RAI14: variants seen among roughly 807,000 people sequenced by gnomAD.
RAI14 encodes the protein ankycorbin.
RAI14 carries 45 observed loss-of-function variants against 115.4 expected under a neutral mutation model. The observed-to-expected ratio is 0.39, with a 90% CI of 0.31 to 0.50. The LOEUF (loss-of-function observed/expected upper bound fraction) is 0.50, where lower values mean the gene tolerates loss of function less well. RAI14 is among the 20% of genes least tolerant of loss of function. RAI14 has a pLI of 0.85. For synonymous variants in RAI14, 371 were observed against 415.4 expected (o/e 0.89, Z 1.30); for missense variants, 939 against 1,131.2 (o/e 0.83, Z 2.44).
chr5:34,829,120 CACACACATATATACATATAT>C (rs1291643717), intron 16 of RAI14, among the ~76,000 whole-genome samples: 1 of 131,464 alleles, frequency 7.6e-6, no homozygotes, highest in African/African-American at 2.8e-5. Context: ...TACATATATA[CACACACATATATACATATAT>C]ACACACATAT....
rs554333653 is a variant in RAI14 at position 34,736,507 on chromosome 5, A to T, written c.37-20961A>T. 2.6e-5 allele frequency among the ~76,000 whole-genome samples: 4 copies of T among 152,224 alleles called. No individual in the cohort carries two copies. The South Asian group carries it at 8.3e-4, about 32-fold the overall frequency. On this transcript the variant is annotated intron_variant, in intron 2 of 17. Coordinates refer to ENST00000265109, the MANE Select transcript of RAI14 (RefSeq NM_015577.3). Reference sequence around the variant, plus strand: ...CTTTGTAAAGCCGTTCATTAAGTAGACTGATATTCAGGTTAAATTAGAGCA... The same window carrying T: ...CTTTGTAAAGCCGTTCATTAAGTAGTCTGATATTCAGGTTAAATTAGAGCA...
chr5:34,690,690 A>G (rs1738477700), intron 2 of RAI14, among the ~76,000 whole-genome samples: 1 of 152,204 alleles, frequency 6.6e-6, no homozygotes, highest in South Asian at 2.1e-4. Flanking sequence ...AGACAGTGAC[A>G]TTGTCCGGTG....
chr5:34,783,371 G>A (rs1751903031), intron 3 of RAI14, among the ~76,000 whole-genome samples: 1 of 152,150 alleles, frequency 6.6e-6, no homozygotes, highest in Non-Finnish European at 1.5e-5. Flanking sequence ...GATCCTCCTG[G>A]TATCTCTTCC....
chr5:34,798,548 T>A (rs888475652), intron 4 of RAI14, among the ~76,000 whole-genome samples: 34 of 152,210 alleles, frequency 2.2e-4, no homozygotes, highest in African/African-American at 8.2e-4. Flanking sequence ...TCCTGCATTT[T>A]AATTTATTAA....
At chr5:34,683,156 G>A (rs113508896) in intron 1 of RAI14, among the ~76,000 whole-genome samples, 19 of 152,280 alleles carry the variant, frequency 1.2e-4, no homozygotes, top group African/African-American at 4.6e-4. Context: ...TGAATACCAG[G>A]AAAGCAGTGA....
intron 2 of RAI14, chr5:34,728,800 T>G (rs1232143239): frequency 6.6e-6 from 1 of 151,992 alleles, no homozygotes; most frequent in South Asian, 2.1e-4. Flanking sequence ...TGGTGGCACC[T>G]GTACTCCCAG....
At chr5:34,814,749 A>G in intron 12 of RAI14, 80 bp downstream of exon 12, 1 of 1,099,904 alleles carries the variant, frequency 9.1e-7, no homozygotes, top group Non-Finnish European at 1.4e-6. Flanking sequence ...TAACACTGGG[A>G]AAAACAGAAT....
At chr5:34,698,986 T>C (rs946648841) in intron 2 of RAI14, among the ~76,000 whole-genome samples, 1 of 152,124 alleles carries the variant, frequency 6.6e-6, no homozygotes, top group Non-Finnish European at 1.5e-5. Flanking sequence ...TCCCTTGCAC[T>C]GCCACACCCT....
intron 1 of RAI14, among the ~76,000 whole-genome samples, chr5:34,674,043 G>A (rs1032035909): frequency 2.6e-4 from 39 of 152,024 alleles, no homozygotes; most frequent in African/African-American, 8.7e-4. Context: ...AGGCCACAGC[G>A]TTCTGCTCAA....
chr5:34,688,384 A>G, intron 2 of RAI14: 2 of 856,252 alleles, frequency 2.3e-6, no homozygotes, highest in South Asian at 1.8e-5. Flanking sequence ...TATTTTTAGC[A>G]AAATTTCATC....
At chr5:34,674,510 C>T (rs1249227382) in intron 1 of RAI14, among the ~76,000 whole-genome samples, 1 of 152,066 alleles carries the variant, frequency 6.6e-6, no homozygotes, top group Admixed American at 6.6e-5. Flanking sequence ...TGTTCTCTTA[C>T]TCACTCTAAA....
intron 3 of RAI14, among the ~76,000 whole-genome samples, chr5:34,784,782 C>G (rs958117993): frequency 6.6e-6 from 1 of 152,202 alleles, no homozygotes; most frequent in African/African-American, 2.4e-5. Flanking sequence ...TCTGGCTCAG[C>G]TTCTTTTATT....
Position 34,795,960 on chromosome 5 carries a change from A to G in RAI14, c.189A>G (p.Lys63=). 1 of 1,613,322 alleles carries G rather than the reference A, an allele frequency of 6.2e-7. No individual in the cohort carries two copies. Among genetic ancestry groups the G allele is most frequent in the Non-Finnish European group, 8.5e-7 (1 of 1,179,376 alleles). ...CCAGTTTCCATCTTGCTGCTGCAAA[A>G]GGACACGTGGAATGCCTCAGGGTCA... The part of the protein sequence containing the change: ...GKTAFHLAAA[K]GHVECLRVMI... Residue 63 remains lysine, a synonymous_variant, in exon 4 of 18, where the codon AAA becomes AAG. Coordinates refer to ENST00000265109, the MANE Select transcript of RAI14 (RefSeq NM_015577.3).
intron 1 of RAI14, among the ~76,000 whole-genome samples, chr5:34,661,981 G>T (rs1382297804): frequency 6.6e-6 from 1 of 152,138 alleles, no homozygotes; most frequent in African/African-American, 2.4e-5. Flanking sequence ...CAAAGACAAG[G>T]TCTCCTTATG....
At chr5:34,684,212 G>A (rs994816890) in intron 1 of RAI14, among the ~76,000 whole-genome samples, 13 of 152,182 alleles carry the variant, frequency 8.5e-5, no homozygotes, top group Non-Finnish European at 1.5e-5. Context: ...ACTCTGACAA[G>A]TGTGTTCCTG....
At position 34,739,786 on chromosome 5, in the gene RAI14, G is replaced by A. The variant is rs542825115; in HGVS notation, c.37-17682G>A. Among the ~76,000 whole-genome samples the A allele has an allele frequency of 5.3e-3, 801 of 152,310 alleles. 6 individuals carry two copies. Among genetic ancestry groups the A allele is most frequent in the Non-Finnish European group, 9.0e-3 (612 of 68,028 alleles). On this transcript the variant is annotated intron_variant, in intron 2 of 17. Coordinates refer to ENST00000265109, the MANE Select transcript of RAI14 (RefSeq NM_015577.3). Reference sequence around the variant, plus strand: ...CGTAAAAGCCATGGTCCCTGGCCAGGTGTGGTGGCTCATGCCTGTAATCCC... The same window carrying A: ...CGTAAAAGCCATGGTCCCTGGCCAGATGTGGTGGCTCATGCCTGTAATCCC...
chr5:34,675,797 T>G (rs760548158), intron 1 of RAI14, among the ~76,000 whole-genome samples: 253 of 152,008 alleles, frequency 1.7e-3, no homozygotes, highest in Non-Finnish European at 2.8e-3. Flanking sequence ...TAATGTGTGG[T>G]CTTTTCTGTC....
At position 34,752,757 on chromosome 5, in the gene RAI14, A is replaced by G. The variant is rs1366516939; in HGVS notation, c.37-4711A>G. On this transcript the variant is annotated intron_variant, in intron 2 of 17. Coordinates refer to ENST00000265109, the MANE Select transcript of RAI14 (RefSeq NM_015577.3). ...TGTGTGTGTGTGTGTGTGTATATAT[A>G]TATATATATGTATCTTTTCTTTTTT... 1.0e-3 allele frequency among the ~76,000 whole-genome samples: 133 copies of G among 131,822 alleles called. 1 individual carries two copies. Among genetic ancestry groups the G allele is most frequent in the African/African-American group, 3.6e-3 (126 of 34,944 alleles). 86.5% of individuals were successfully genotyped at this position (131,822 alleles called of 152,430 possible).
intron 2 of RAI14, among the ~76,000 whole-genome samples, chr5:34,694,889 C>A (rs1438291845): frequency 1.3e-5 from 2 of 151,990 alleles, no homozygotes; most frequent in Admixed American, 1.3e-4. Context: ...TGAGTCTTTT[C>A]ATTTTGTCTG....
Sources: allele counts gnomAD v4.1 joint callset (sites outside exome capture counted in the v4.1 genomes callset), GRCh38; gene constraint gnomAD v4.1.1; transcripts MANE v1.5; gene names NCBI Gene and HGNC (gene_info 2026-07-23, HGNC 2026-07-21).